Variants in OR6F1 observed in about 807,000 individuals in gnomAD.
OR6F1 encodes olfactory receptor 6F1.
For synonymous variants in OR6F1, 144 were observed against 150.0 expected, an observed-to-expected ratio of 0.96 and a Z score of 0.29; for missense variants, 346 against 376.0, an observed-to-expected ratio of 0.92 and a Z score of 0.66.
Position 247,716,567 on chromosome 1 carries a change from A to G in OR6F1, c.-363T>C, listed in dbSNP as rs1052757491. ...TTCATAATCTTTGAAATTAGAGCTCAGTCTTTTTCTGTTTCCTTTTGTTCT... is the reference window on the plus strand; with the variant it reads ...TTCATAATCTTTGAAATTAGAGCTCGGTCTTTTTCTGTTTCCTTTTGTTCT... On this transcript the variant is annotated 5_prime_UTR_variant, in exon 1 of 3. Transcript: ENST00000641470. The G allele has an allele frequency of 6.6e-6, 1 of 152,160 alleles. No individual in the cohort carries two copies. The highest frequency in any genetic ancestry group is 1.5e-5 in the Non-Finnish European group (1 of 68,040). 9.4% of individuals were successfully genotyped at this position (152,160 alleles called of 1,614,324 possible).
chr1:247,713,443 C>T (rs1032613267), intron 2 of OR6F1, among the ~76,000 whole-genome samples: 1 of 152,044 alleles, frequency 6.6e-6, no homozygotes, highest in African/African-American at 2.4e-5. Flanking sequence ...CCATATTGAA[C>T]AATACACTGA....
rs375716782 is a variant in OR6F1 at position 247,712,004 on chromosome 1, C to T, written c.752G>A (p.Trp251Ter). 21 of 1,614,038 alleles carry T rather than the reference C, an allele frequency of 1.3e-5. No individual in the cohort carries two copies. The highest frequency in any genetic ancestry group is 1.8e-5 in the Non-Finnish European group (21 of 1,180,026). ...GTGAAGGAAAACTGTGGACCCATAC[C>T]AAATGAGCACCACGGTGAGATGCGA... is the stretch of plus-strand genomic sequence containing the variant. The part of the protein sequence containing the change: ...CSSHLTVVLI[W>*]YGSTVFLHVR... The change falls in exon 3 of 3, where the codon TGG becomes TAG. Residue 251 changes from tryptophan (W) to a stop codon, truncating the protein, a stop_gained. Transcript: ENST00000641470. LOFTEE classifies it low-confidence loss of function (END_TRUNC).
intron 1 of OR6F1, among the ~76,000 whole-genome samples, chr1:247,715,196 T>C (rs575205105): frequency 1.3e-5 from 2 of 152,192 alleles, no homozygotes; most frequent in Non-Finnish European, 2.9e-5. Context: ...CTTTCAGATA[T>C]TTTTTATAGG....
chr1:247,711,838 C>T lies in OR6F1; in HGVS notation c.918G>A (p.Lys306=), dbSNP rs2103188071. The change falls in exon 3 of 3, where the codon AAG becomes AAA. Residue 306 remains lysine, a synonymous_variant. Transcript: ENST00000641470. The part of the protein sequence containing the change: ...EVRETLLKKW[K]GK ...TTGTGGTAGAGGAGATTTATTTTCC[C>T]TTCCATTTCTTCAGCAGAGTCTCTC... The T allele has an allele frequency of 6.2e-7, 1 of 1,607,022 alleles. No homozygotes were observed. The highest frequency in any genetic ancestry group is 8.5e-7 in the Non-Finnish European group (1 of 1,174,006).
chr1:247,711,869 TC>T lies in OR6F1; in HGVS notation c.886del (p.Glu296LysfsTer2), dbSNP rs766334750. 6.2e-7 allele frequency: 1 copy of T among 1,613,736 alleles called. No homozygotes were observed. On this transcript the variant is annotated frameshift_variant, in exon 3 of 3. Coordinates refer to ENST00000641470, the MANE Select transcript of OR6F1 (RefSeq NM_001005286.2). LOFTEE classifies it low-confidence loss of function (END_TRUNC). ...NPFIYTLRNK[E>X]VRETLLKKWK... is the part of the protein sequence containing the mutation. ...TTTCTTCAGCAGAGTCTCTCTTACT[TC>T]CTTATTACGAAGCGTATAGATGAAG...
chr1:247,715,274 C>A (rs1660085730), intron 1 of OR6F1, among the ~76,000 whole-genome samples: 1 of 152,042 alleles, frequency 6.6e-6, no homozygotes, highest in Non-Finnish European at 1.5e-5. Flanking sequence ...AATCGCTGGG[C>A]AAAGCTATTT....
chr1:247,712,281 G>T lies in OR6F1; in HGVS notation c.475C>A (p.Pro159Thr). Residue 159 changes from proline (P) to threonine (T), a missense_variant, in exon 3 of 3, where the codon CCC becomes ACC. Pro to Thr is a conservative substitution (Grantham distance 38). Transcript: ENST00000641470. ...WVCGFVAIAVPTALISGLSFC... is the reference protein window; with the variant it reads ...WVCGFVAIAVTTALISGLSFC... ...GACAGGCCACTGATGAGGGCTGTGG[G>T]CACTGCAATGGCCACGAAACCACAC... The T allele has an allele frequency of 6.2e-7, 1 of 1,614,048 alleles. No individual in the cohort carries two copies. The highest frequency in any genetic ancestry group is 8.5e-7 in the Non-Finnish European group (1 of 1,179,982).
intron 1 of OR6F1, among the ~76,000 whole-genome samples, chr1:247,715,763 T>C (rs1296206021): frequency 1.3e-5 from 2 of 152,218 alleles, no homozygotes; most frequent in East Asian, 3.8e-4. Context: ...TTTTTTTGTT[T>C]GAGTATAAGT....
At chr1:247,714,347 A>G (rs1200787261) in intron 1 of OR6F1, among the ~76,000 whole-genome samples, 2 of 152,176 alleles carry the variant, frequency 1.3e-5, no homozygotes. Context: ...GAATATACTC[A>G]ACAGACCTTG....
At chr1:247,713,762 C>T (rs1190738402) in intron 2 of OR6F1, 129 bp downstream of exon 2, 3 of 394,970 alleles carry the variant, frequency 7.6e-6, no homozygotes, top group Non-Finnish European at 1.3e-5. Context: ...GTGTCCTACC[C>T]TCGCGTTCAC....
At chr1:247,714,003 G>T (rs945678235) in intron 1 of OR6F1, 49 bp from the exon 2 acceptor site, 1 of 398,416 alleles carries the variant, frequency 2.5e-6, no homozygotes, top group African/African-American at 2.1e-5. Context: ...CCCTTGACAT[G>T]CAGCCTATGG....
chr1:247,712,620 A>T lies in OR6F1; in HGVS notation c.136T>A (p.Leu46Met). The T allele has an allele frequency of 6.2e-7, 1 of 1,614,040 alleles. No homozygotes were observed. Among genetic ancestry groups the T allele is most frequent in the Non-Finnish European group, 8.5e-7 (1 of 1,179,900 alleles). Residue 46 changes from leucine to methionine, a missense_variant, in exon 3 of 3, where the codon TTG (leucine) becomes ATG (methionine). Leu to Met is a conservative substitution (Grantham distance 15). Transcript: ENST00000641470. ...TGATGGGAGGTGCTCACCAACATCA[A>T]GATAGCCACATTACCACTAACTGTG... is the stretch of plus-strand genomic sequence containing the variant. ...ILTVSGNVAI[L>M]MLVSTSHQLH...
chr1:247,712,194 C>A lies in OR6F1; in HGVS notation c.562G>T (p.Ala188Ser), dbSNP rs1471660005. ...FCDIAPWIALACTNTQAVELV... is the reference protein window; with the variant it reads ...FCDIAPWIALSCTNTQAVELV... ...TCTACTGCCTGTGTGTTGGTGCAGG[C>A]CAGGGCAATCCAGGGTGCAATGTCA... The change falls in exon 3 of 3, where the codon GCC becomes TCC. Residue 188 changes from alanine to serine, a missense_variant. Transcript: ENST00000641470. 6.2e-7 allele frequency: 1 copy of A among 1,614,168 alleles called. No homozygotes were observed. The highest frequency in any genetic ancestry group is 8.5e-7 in the Non-Finnish European group (1 of 1,180,022).
Position 247,712,618 on chromosome 1 carries a change from C to A in OR6F1, c.138G>T (p.Leu46Phe). 1 of 1,614,000 alleles carries A rather than the reference C, an allele frequency of 6.2e-7. No individual in the cohort carries two copies. Among genetic ancestry groups the A allele is most frequent in the Non-Finnish European group, 8.5e-7 (1 of 1,179,920 alleles). The part of the protein sequence containing the change: ...ILTVSGNVAI[L>F]MLVSTSHQLH... ...ACTGATGGGAGGTGCTCACCAACATCAAGATAGCCACATTACCACTAACTG... is the reference window on the plus strand; with the variant it reads ...ACTGATGGGAGGTGCTCACCAACATAAAGATAGCCACATTACCACTAACTG... The change falls in exon 3 of 3, where the codon TTG becomes TTT. Residue 46 changes from leucine (L) to phenylalanine (F), a missense_variant. Physicochemically the swap from Leu to Phe is conservative, Grantham distance 22 (BLOSUM62 0). Coordinates refer to ENST00000641470, the MANE Select transcript of OR6F1 (RefSeq NM_001005286.2).
Position 247,711,684 on chromosome 1 carries a change from T to C in OR6F1, c.*145A>G, listed in dbSNP as rs1247205001. 6.7e-6 allele frequency: 4 copies of C among 601,352 alleles called. No individual in the cohort carries two copies. Among genetic ancestry groups the C allele is most frequent in the Non-Finnish European group, 1.2e-5 (4 of 341,172 alleles). The allele number at this position is 601,352 out of a possible 1,614,324, so 37.3% of individuals were successfully genotyped here. On this transcript the variant is annotated 3_prime_UTR_variant, in exon 3 of 3. Coordinates refer to ENST00000641470, the MANE Select transcript of OR6F1 (RefSeq NM_001005286.2). ...CATTTTTATCATACATGATAATGTA[T>C]AGAAAATACAGTATTGCTTGTTTTG...
chr1:247,712,031 G>A lies in OR6F1; in HGVS notation c.725C>T (p.Ser242Phe). The A allele has an allele frequency of 6.2e-7, 1 of 1,614,192 alleles. No individual in the cohort carries two copies. The highest frequency in any genetic ancestry group is 8.5e-7 in the Non-Finnish European group (1 of 1,180,014). The change falls in exon 3 of 3, where the codon TCC (serine) becomes TTC (phenylalanine). Residue 242 changes from serine to phenylalanine, a missense_variant. Physicochemically the swap from Ser to Phe is radical, Grantham distance 155 (BLOSUM62 -2). Coordinates refer to ENST00000641470, the MANE Select transcript of OR6F1 (RefSeq NM_001005286.2). ...SGRSKAFSTCSSHLTVVLIWY... is the reference protein window; with the variant it reads ...SGRSKAFSTCFSHLTVVLIWY... ...AATGAGCACCACGGTGAGATGCGAG[G>A]AGCACGTGGAGAAGGCTTTGCTCCG...
Position 247,716,416 on chromosome 1 carries a change from T to C in OR6F1, c.-212A>G, listed in dbSNP as rs547376928. ...TCATTTTTTATTCCATGATTTTCTT[T>C]ATTTAAAAATAATATATTTTGATTG... On this transcript the variant is annotated 5_prime_UTR_variant, in exon 1 of 3. The change creates a new upstream start codon in the 5' untranslated region. Coordinates refer to ENST00000641470, the MANE Select transcript of OR6F1 (RefSeq NM_001005286.2). 1 of 152,344 alleles carries C rather than the reference T, an allele frequency of 6.6e-6. No homozygotes were observed. Among genetic ancestry groups the C allele is most frequent in the Non-Finnish European group, 1.5e-5 (1 of 68,036 alleles). 9.4% of individuals were successfully genotyped at this position (152,344 alleles called of 1,614,324 possible). A position where few individuals can be genotyped will look rare whatever the true frequency, so the allele number is the denominator to read the frequency against.
intron 2 of OR6F1, among the ~76,000 whole-genome samples, chr1:247,713,309 A>T (rs1435837555): frequency 6.6e-6 from 1 of 151,148 alleles, no homozygotes; most frequent in Non-Finnish European, 1.5e-5. Flanking sequence ...TGTCTTCAAA[A>T]ATAATGTTCA....
intron 1 of OR6F1, among the ~76,000 whole-genome samples, chr1:247,715,896 A>G (rs1660096785): frequency 6.6e-6 from 1 of 152,138 alleles, no homozygotes; most frequent in South Asian, 2.1e-4. Context: ...TACTCTCAGG[A>G]GGTTTTCAGT....
Sources: gnomAD v4.1 joint callset for allele counts (sites outside exome capture counted in the v4.1 genomes callset) on GRCh38, gnomAD v4.1.1 for gene constraint, MANE v1.5 for transcripts, NCBI Gene and HGNC (gene_info 2026-07-23, HGNC 2026-07-21) for gene names.